The following MTF1 variants were observed in gnomAD, a reference collection of about 807,000 sequenced individuals.
The protein encoded by MTF1 is MRE-binding transcription factor.
Under a neutral mutation model 70.4 loss-of-function variants are expected in MTF1, and 22 were observed. That is an observed-to-expected ratio of 0.31 (90% CI 0.22 to 0.45). The LOEUF (loss-of-function observed/expected upper bound fraction) is 0.45. Among genes scored for constraint, MTF1 ranks in the 20% least tolerant of loss-of-function variants. The pLI is 1.00. For synonymous variants in MTF1, 333 were observed against 352.8 expected (o/e 0.94, Z 0.63); for missense variants, 649 against 922.0 (o/e 0.70, Z 3.83).
chr1:37,825,954 AG>A (rs945046856), intron 7 of MTF1, among the ~76,000 whole-genome samples: 102 of 152,252 alleles, frequency 6.7e-4, no homozygotes, highest in African/African-American at 2.3e-3. Flanking sequence ...GTTTTGGGGG[AG>A]TCAAAAGTTA....
In MTF1 at chr1:37,839,845, T is replaced by C. The variant is rs1641229601; in HGVS notation, c.647+75A>G. The C allele has an allele frequency of 4.9e-6, 6 of 1,213,018 alleles. No homozygotes were observed. In the African/African-American group the frequency reaches 9.0e-5, roughly 18 times the overall value. The allele number at this position is 1,213,018 out of a possible 1,614,324, so 75.1% of individuals were successfully genotyped here. ...GCCCTGAAAGTGAAAACAACTCCTC[T>C]GCAAGGGGAAAGAGCTCTGCCATCA... On this transcript the variant is annotated intron_variant, in intron 3 of 10. Transcript: ENST00000373036.
chr1:37,832,821 A>G (rs1476676802), intron 6 of MTF1, among the ~76,000 whole-genome samples: 1 of 152,130 alleles, frequency 6.6e-6, no homozygotes, highest in South Asian at 2.1e-4. Context: ...CCTGGCCAAC[A>G]TAGTGAAACC....
Position 37,815,579 on chromosome 1 carries a change from C to G in MTF1, c.1832-13G>C, listed in dbSNP as rs115025293. On this transcript the variant is annotated splice_polypyrimidine_tract_variant and intron_variant, in intron 10 of 10. Coordinates refer to ENST00000373036, the MANE Select transcript of MTF1 (RefSeq NM_005955.3). The surrounding 1 kb of genome is among the most constrained non-coding windows in gnomAD (Gnocchi z 4.5). Reference sequence around the variant, plus strand: ...TGGACAGAGCTCCCTGCGAGAGAGGCAAGAGAGACTGCTCTTCAAGTAGCT... The same window carrying G: ...TGGACAGAGCTCCCTGCGAGAGAGGGAAGAGAGACTGCTCTTCAAGTAGCT... 1.3e-6 allele frequency: 2 copies of G among 1,518,812 alleles called. No homozygotes were observed. The highest frequency in any genetic ancestry group is 1.4e-5 in the African/African-American group (1 of 71,788). The allele number at this position is 1,518,812 out of a possible 1,614,324, so 94.1% of individuals were successfully genotyped here. A position where few individuals can be genotyped will look rare whatever the true frequency, so the allele number is the denominator to read the frequency against.
At position 37,814,683 on chromosome 1, in the gene MTF1, G is replaced by A. The variant is rs541244404; in HGVS notation, c.*453C>T. ...ATGGAGCAAGGGTCTGGCCTTCCAA[G>A]CAAATGTCAGCCTCAGATTCAAAAG... On this transcript the variant is annotated 3_prime_UTR_variant, in exon 11 of 11. Coordinates refer to ENST00000373036, the MANE Select transcript of MTF1 (RefSeq NM_005955.3). The A allele has an allele frequency of 1.2e-4, 22 of 176,762 alleles. No individual in the cohort carries two copies. In the South Asian group the frequency reaches 2.3e-3, roughly 19 times the overall value. 10.9% of individuals were successfully genotyped at this position (176,762 alleles called of 1,614,324 possible). A position where few individuals can be genotyped will look rare whatever the true frequency, so the allele number is the denominator to read the frequency against.
Position 37,815,380 on chromosome 1 carries a change from A to T in MTF1, c.2018T>A (p.Leu673His). 6.2e-7 allele frequency: 1 copy of T among 1,613,950 alleles called. No homozygotes were observed. Among genetic ancestry groups the T allele is most frequent in the Non-Finnish European group, 8.5e-7 (1 of 1,180,006 alleles). The change falls in exon 11 of 11, where the codon CTC becomes CAC. Residue 673 changes from leucine to histidine, a missense_variant. Leu to His is a moderately conservative substitution (Grantham distance 99). Coordinates refer to ENST00000373036, the MANE Select transcript of MTF1 (RefSeq NM_005955.3). The surrounding 1 kb of genome is among the most constrained non-coding windows in gnomAD (Gnocchi z 4.5). ...PQAPDGPSLQ[L>H]PAQTFSSAPV... ...GGCTGAAGAGAAAGTCTGCGCTGGG[A>T]GCTGCAGGCTGGGCCCATCAGGAGC...
chr1:37,820,241 T>C (rs1486520720), intron 9 of MTF1, among the ~76,000 whole-genome samples: 2 of 152,190 alleles, frequency 1.3e-5, no homozygotes, highest in Non-Finnish European at 2.9e-5. Context: ...GTGTGTCTAA[T>C]AGTAGCATAC....
intron 2 of MTF1, among the ~76,000 whole-genome samples, chr1:37,853,106 T>C (rs1641440602): frequency 6.6e-6 from 1 of 152,220 alleles, no homozygotes; most frequent in African/African-American, 2.4e-5. Context: ...GTCTCCTAAC[T>C]AGGCAAGAAG....
intron 2 of MTF1, among the ~76,000 whole-genome samples, chr1:37,850,316 G>C (rs1641396949): frequency 6.6e-6 from 1 of 151,122 alleles, no homozygotes; most frequent in South Asian, 2.1e-4. Context: ...TTTGCAAGCT[G>C]GCCAAGTGCC....
At position 37,835,678 on chromosome 1, in the gene MTF1, T is replaced by C. The variant is rs751593723; in HGVS notation, c.846A>G (p.Thr282=). 3.1e-6 allele frequency: 5 copies of C among 1,614,060 alleles called. No homozygotes were observed. Among genetic ancestry groups the C allele is most frequent in the Middle Eastern group, 1.6e-4 (1 of 6,062 alleles). ...AAATTGGCCTAAACTCACCAGTATG[T>C]GTACGAACGTGAGTTTTAAGGTGGT... is the stretch of plus-strand genomic sequence containing the variant. The part of the protein sequence containing the change: ...ASHHLKTHVR[T]HTGERPFFCP... The change falls in exon 5 of 11, where the codon ACA becomes ACG. Residue 282 remains threonine, a synonymous_variant. Transcript: ENST00000373036.
Position 37,810,735 on chromosome 1 carries a change from A to G in MTF1, c.*4401T>C, listed in dbSNP as rs1264208625. 5 of 152,248 alleles carry G rather than the reference A, an allele frequency of 3.3e-5. No homozygotes were observed. Among genetic ancestry groups the G allele is most frequent in the Admixed American group, 6.5e-5 (1 of 15,282 alleles). The allele number at this position is 152,248 out of a possible 1,614,324, so 9.4% of individuals were successfully genotyped here. On this transcript the variant is annotated 3_prime_UTR_variant, in exon 11 of 11. Coordinates refer to ENST00000373036, the MANE Select transcript of MTF1 (RefSeq NM_005955.3). ...TTCTGCTTTGGCTGAAGTATATTCTAAAACTTGTCTATTCTATAGCCTGAG... is the reference window on the plus strand; with the variant it reads ...TTCTGCTTTGGCTGAAGTATATTCTGAAACTTGTCTATTCTATAGCCTGAG...
rs1557591528 is a variant in MTF1, at chr1:37,832,276, G to C, written c.1037C>G (p.Thr346Arg). 6.2e-7 allele frequency: 1 copy of C among 1,613,312 alleles called. No individual in the cohort carries two copies. The highest frequency in any genetic ancestry group is 8.5e-7 in the Non-Finnish European group (1 of 1,179,474). ...LCLSDLSLLSTDSELRENSST... is the reference protein window; with the variant it reads ...LCLSDLSLLSRDSELRENSST... ...GGAATTTTCTCGCAATTCAGAATCTGTGGACAGAAGGCTCAAGTCACTTAG... is the reference window on the plus strand; with the variant it reads ...GGAATTTTCTCGCAATTCAGAATCTCTGGACAGAAGGCTCAAGTCACTTAG... The change falls in exon 7 of 11, where the codon ACA (threonine) becomes AGA (arginine). Residue 346 changes from threonine (T) to arginine (R), a missense_variant. This residue lies in a region of MTF1 where 267 missense variants were observed against 292.1 expected (regional missense o/e 0.91). Coordinates refer to ENST00000373036, the MANE Select transcript of MTF1 (RefSeq NM_005955.3).
intron 7 of MTF1, 42 bp downstream of exon 7, chr1:37,832,203 T>C: frequency 7.4e-7 from 1 of 1,344,006 alleles, no homozygotes; most frequent in Non-Finnish European, 1.1e-6. Flanking sequence ...TGCTTAATTC[T>C]TGCCCTTATT....
chr1:37,840,179 C>G lies in MTF1; in HGVS notation c.409-21G>C, dbSNP rs771410246. On this transcript the variant is annotated intron_variant, in intron 2 of 10. Transcript: ENST00000373036. This position sits in a 1 kb window ranked among gnomAD's most constrained non-coding sequence, Gnocchi z 4.5. ...TTTACCTGGCAGAGAAAAGATACCT[C>G]ATCAACAGGACAAAAATGCTGCCCA... 15 of 1,610,376 alleles carry G rather than the reference C, an allele frequency of 9.3e-6. No individual in the cohort carries two copies. The African/African-American group carries it at 2.0e-4, about 21-fold the overall frequency.
In MTF1 at chr1:37,809,605, G is replaced by C. The variant is rs3806286; in HGVS notation, c.*5531C>G. ...TAAGCATTTAATTAGGATTTCATTA[G>C]TATTTAATATTGCTTTTTCAATTCC... On this transcript the variant is annotated 3_prime_UTR_variant, in exon 11 of 11. Coordinates refer to ENST00000373036, the MANE Select transcript of MTF1 (RefSeq NM_005955.3). 1.3e-3 allele frequency: 207 copies of C among 154,534 alleles called. 2 individuals are homozygous for C. The East Asian group carries it at 0.021, about 16-fold the overall frequency. 9.6% of individuals were successfully genotyped at this position (154,534 alleles called of 1,614,324 possible).
intron 2 of MTF1, among the ~76,000 whole-genome samples, chr1:37,856,768 G>A (rs1390130191): frequency 1.3e-5 from 2 of 152,116 alleles, no homozygotes; most frequent in African/African-American, 4.8e-5. Context: ...CCAAAGTGCT[G>A]GGATTACAGG....
intron 10 of MTF1, among the ~76,000 whole-genome samples, chr1:37,816,046 C>T (rs1216400304): frequency 6.6e-6 from 1 of 152,192 alleles, no homozygotes; most frequent in Non-Finnish European, 1.5e-5. Context: ...CCCAGCCTCC[C>T]GGCACACATG....
At position 37,811,062 on chromosome 1, in the gene MTF1, T is replaced by A. The variant is rs980423917; in HGVS notation, c.*4074A>T. ...AAGTCTTTAAGGACAATGGATGTGATTACAAATATAAAAGTCTAGAAGGTG... is the reference window on the plus strand; with the variant it reads ...AAGTCTTTAAGGACAATGGATGTGAATACAAATATAAAAGTCTAGAAGGTG... On this transcript the variant is annotated 3_prime_UTR_variant, in exon 11 of 11. Transcript: ENST00000373036. 6.6e-6 allele frequency: 1 copy of A among 152,656 alleles called. No homozygotes were observed. The highest frequency in any genetic ancestry group is 1.5e-5 in the Non-Finnish European group (1 of 68,046). The allele number at this position is 152,656 out of a possible 1,614,324, so 9.5% of individuals were successfully genotyped here.
At position 37,826,629 on chromosome 1, in the gene MTF1, T is replaced by C. The variant is rs950897058; in HGVS notation, c.1069-2817A>G. The stretch of plus-strand genomic sequence containing the variant: ...GAGGGGAAATTCAGTGATTCCTTTT[T>C]TTTTTTTTCTTCATTTCAGTGATCC... On this transcript the variant is annotated intron_variant, in intron 7 of 10. Transcript: ENST00000373036. The C allele has an allele frequency of 5.5e-5, 24 of 433,344 alleles. 1 individual carries two copies. Among genetic ancestry groups the C allele is most frequent in the African/African-American group, 4.0e-4 (19 of 47,970 alleles). The allele number at this position is 433,344 out of a possible 1,614,324, so 26.8% of individuals were successfully genotyped here.
Position 37,815,220 on chromosome 1 carries a change from C to T in MTF1, c.2178G>A (p.Leu726=), listed in dbSNP as rs770992178. The change falls in exon 11 of 11, where the codon CTG becomes CTA. Residue 726 remains leucine, a synonymous_variant. Coordinates refer to ENST00000373036, the MANE Select transcript of MTF1 (RefSeq NM_005955.3). The surrounding 1 kb of genome is among the most constrained non-coding windows in gnomAD (Gnocchi z 4.5). ...DVSEFLSLQS[L]DTPSNLIPIE... ...TGGGAATCAGATTGGACGGGGTGTC[C>T]AGGCTCTGGAGGGATAGAAACTCTG... 1.9e-6 allele frequency: 3 copies of T among 1,614,132 alleles called. No homozygotes were observed. Among genetic ancestry groups the T allele is most frequent in the East Asian group, 4.5e-5 (2 of 44,866 alleles).
Sources: gnomAD v4.1 joint callset for allele counts (sites outside exome capture counted in the v4.1 genomes callset) on GRCh38, gnomAD v4.1.1 for gene constraint, gnomAD v4.1.1 regional missense constraint, Gnocchi (gnomAD v3.1) non-coding constraint, MANE v1.5 for transcripts, NCBI Gene and HGNC (gene_info 2026-07-23, HGNC 2026-07-21) for gene names.